The following DHRSX variants were observed in gnomAD, a reference collection of about 807,000 sequenced individuals.
DHRSX encodes polyprenol dehydrogenase.
A neutral mutation model predicts 34.0 loss-of-function variants in DHRSX; 31 were observed. The observed-to-expected ratio is 0.91, with a 90% CI of 0.69 to 1.23. The LOEUF (loss-of-function observed/expected upper bound fraction) is 1.23. DHRSX is among the 50% of genes most tolerant of loss of function. The probability of loss-of-function intolerance (pLI) is 0.00; values close to 1 mark genes in which losing one functional copy is unlikely to be tolerated. For synonymous variants in DHRSX, 201 were observed against 183.8 expected, an observed-to-expected ratio of 1.09 and a Z score of -0.76; for missense variants, 414 against 428.1, an observed-to-expected ratio of 0.97 and a Z score of 0.29.
At chrX:2,384,949 A>AT (rs1438449111) in intron 3 of DHRSX, among the ~76,000 whole-genome samples, 6 of 149,006 alleles carry the variant, frequency 4.0e-5, no homozygotes, top group East Asian at 4.1e-4. Flanking sequence ...AAAGAAAAAA[A>AT]AATATATATA....
chrX:2,246,635 A>G (rs1054171349), intron 5 of DHRSX, among the ~76,000 whole-genome samples: 2 of 150,822 alleles, frequency 1.3e-5, no homozygotes, highest in African/African-American at 4.9e-5. Flanking sequence ...AAAGAAAGAA[A>G]GAAAGACAGA....
intron 5 of DHRSX, among the ~76,000 whole-genome samples, chrX:2,259,414 A>G (rs1465770987): frequency 6.7e-6 from 1 of 148,326 alleles, no homozygotes; most frequent in Non-Finnish European, 1.5e-5. Flanking sequence ...ATAGATATAG[A>G]TATATACAAT....
chrX:2,397,986 CACAT>C (rs1569497139), intron 3 of DHRSX, among the ~76,000 whole-genome samples: 8 of 151,818 alleles, frequency 5.3e-5, no homozygotes, highest in African/African-American at 1.9e-4. Flanking sequence ...TGATCTCACA[CACAT>C]AGATACATAT....
At chrX:2,306,213 C>CTT (rs751657625) in intron 3 of DHRSX, among the ~76,000 whole-genome samples, 294 of 146,802 alleles carry the variant, frequency 2.0e-3, no homozygotes, top group African/African-American at 7.0e-3. Flanking sequence ...CAATCAGCAT[C>CTT]TTTTTTTTTT....
At chrX:2,457,837 G>A (rs2044328996) in intron 1 of DHRSX, among the ~76,000 whole-genome samples, 2 of 151,822 alleles carry the variant, frequency 1.3e-5, no homozygotes, top group African/African-American at 4.8e-5. Flanking sequence ...TTGTGGCTAA[G>A]GGACCACCAC....
Position 2,222,483 on chromosome X carries a change from C to T in DHRSX, c.805-1254G>A, listed in dbSNP as rs2015543068. 2.0e-5 allele frequency among the ~76,000 whole-genome samples: 3 copies of T among 152,334 alleles called. No homozygotes were observed. In the Middle Eastern group the frequency reaches 0.01, roughly 518 times the overall value. ...AATTGCGAGAGTTTTAGAAGCTCCT[C>T]CTTGTTACAGAACCAGGAATAAAGA... is the stretch of plus-strand genomic sequence containing the variant. On this transcript the variant is annotated intron_variant, in intron 6 of 6. Transcript: ENST00000334651.
intron 5 of DHRSX, among the ~76,000 whole-genome samples, chrX:2,245,291 C>A (rs546775559): frequency 6.6e-6 from 1 of 151,990 alleles, no homozygotes; most frequent in Admixed American, 6.6e-5. Flanking sequence ...TTCCAGTTGT[C>A]CCTGCTTTTC....
At chrX:2,465,809 C>CAAAAAAAAAAAAAAAAAAAAAAAA (rs375728172) in intron 1 of DHRSX, among the ~76,000 whole-genome samples, 2 of 84,738 alleles carry the variant, frequency 2.4e-5, no homozygotes, top group Non-Finnish European at 5.0e-5. Context: ...AACTCCATCG[C>CAAAAAAAAAAAAAAAAAAAAAAAA]AAAAAAAAAA....
chrX:2,265,552 A>C (rs1569481705), intron 5 of DHRSX, among the ~76,000 whole-genome samples: 1 of 136,916 alleles, frequency 7.3e-6, no homozygotes, highest in Non-Finnish European at 1.6e-5. Flanking sequence ...TCCCCAGAGC[A>C]CCAGTGCTCA....
intron 1 of DHRSX, among the ~76,000 whole-genome samples, chrX:2,461,316 A>C (rs1166434686): frequency 6.6e-6 from 1 of 152,232 alleles, no homozygotes; most frequent in African/African-American, 2.4e-5. Flanking sequence ...GAATGTGAAA[A>C]GGCAATCGTT....
At chrX:2,356,382 G>T (rs2042852287) in intron 3 of DHRSX, among the ~76,000 whole-genome samples, 1 of 151,780 alleles carries the variant, frequency 6.6e-6, no homozygotes, top group African/African-American at 2.4e-5. Flanking sequence ...CTCAAAAAAA[G>T]AAAAAAAATG....
chrX:2,330,108 GA>G, intron 3 of DHRSX, among the ~76,000 whole-genome samples: 3 of 96,032 alleles, frequency 3.1e-5, no homozygotes, highest in African/African-American at 4.3e-5. Flanking sequence ...GAGGGAGAGA[GA>G]GAGAGAGAGA....
intron 5 of DHRSX, among the ~76,000 whole-genome samples, chrX:2,262,290 T>C (rs965723764): frequency 3.9e-5 from 6 of 152,200 alleles, no homozygotes; most frequent in African/African-American, 1.4e-4. Flanking sequence ...GGTGCTGTCA[T>C]GCATGGGTGT....
In DHRSX at chrX:2,408,987, G is replaced by A. The variant is rs188347313; in HGVS notation, c.218-174C>T. ...TTGACAGCCATTTTGGCAGACTAAA[G>A]CTATCCATTTAAGAGTCATTTTCTT... On this transcript the variant is annotated intron_variant, in intron 2 of 6. Transcript: ENST00000334651. 4.4e-3 allele frequency: 773 copies of A among 175,754 alleles called. 1 individual carries two copies. The highest frequency in any genetic ancestry group is 6.5e-3 in the Non-Finnish European group (585 of 89,766). The allele number at this position is 175,754 out of a possible 1,614,324, so 10.9% of individuals were successfully genotyped here.
chrX:2,408,694 TC>T, intron 3 of DHRSX, 50 bp downstream of exon 3: 1 of 1,500,432 alleles, frequency 6.7e-7, no homozygotes, highest in Non-Finnish European at 9.0e-7. Flanking sequence ...AAACGACCTG[TC>T]CCAAGGAAAA....
intron 1 of DHRSX, among the ~76,000 whole-genome samples, chrX:2,472,318 G>T (rs1381118180): frequency 6.6e-6 from 1 of 152,064 alleles, no homozygotes; most frequent in East Asian, 1.9e-4. Flanking sequence ...AGCTGCAGGG[G>T]CCTGCTGGAG....
chrX:2,240,391 G>A (rs1256067815), intron 6 of DHRSX, among the ~76,000 whole-genome samples: 1 of 151,964 alleles, frequency 6.6e-6, no homozygotes, highest in Non-Finnish European at 1.5e-5. Flanking sequence ...GCAAAATAAG[G>A]GAAGTAATTA....
chrX:2,462,310 G>C (rs913786243), intron 1 of DHRSX, among the ~76,000 whole-genome samples: 6 of 151,994 alleles, frequency 3.9e-5, no homozygotes, highest in South Asian at 2.1e-4. Flanking sequence ...CAAAAACAGT[G>C]TTGACGTTCA....
Position 2,291,682 on chromosome X carries a change from A to T in DHRSX, c.287-79T>A, listed in dbSNP as rs375147793. ...GATTAAGAAAATTTCTAAACAGGTC[A>T]AACTCAATTTCATCTAGGAAGTAAC... is the stretch of plus-strand genomic sequence containing the variant. On this transcript the variant is annotated intron_variant, in intron 3 of 6. Transcript: ENST00000334651. 3.8e-6 allele frequency: 4 copies of T among 1,061,136 alleles called. No individual in the cohort carries two copies. The African/African-American group carries it at 6.4e-5, about 17-fold the overall frequency. 65.7% of individuals were successfully genotyped at this position (1,061,136 alleles called of 1,614,324 possible). A position where few individuals can be genotyped will look rare whatever the true frequency, so the allele number is the denominator to read the frequency against.
Sources: allele counts gnomAD v4.1 joint callset (sites outside exome capture counted in the v4.1 genomes callset), GRCh38; gene constraint gnomAD v4.1.1; transcripts MANE v1.5; gene names NCBI Gene and HGNC (gene_info 2026-07-23, HGNC 2026-07-21).